Variants in PRMT3 observed in about 807,000 individuals in gnomAD.
PRMT3 encodes the protein protein arginine N-methyltransferase 3.
A neutral mutation model predicts 71.9 loss-of-function variants in PRMT3; 62 were observed. That is an observed-to-expected ratio of 0.86 (90% CI 0.70 to 1.07). The LOEUF (loss-of-function observed/expected upper bound fraction) is 1.07, where lower values mean the gene tolerates loss of function less well. PRMT3 is among the 50% of genes least tolerant of loss of function. PRMT3 has a pLI of 0.00. For synonymous variants in PRMT3, 213 were observed against 220.4 expected, an observed-to-expected ratio of 0.97 and a Z score of 0.30; for missense variants, 663 against 643.0, an observed-to-expected ratio of 1.03 and a Z score of -0.34.
intron 13 of PRMT3, among the ~76,000 whole-genome samples, chr11:20,488,930 T>G (rs917895227): frequency 1.3e-5 from 2 of 152,184 alleles, no homozygotes; most frequent in African/African-American, 4.8e-5. Context: ...TGAGTTTTCT[T>G]TTTGTGAAAT....
intron 15 of PRMT3, among the ~76,000 whole-genome samples, chr11:20,507,622 A>G (rs937632841): frequency 6.6e-6 from 1 of 151,936 alleles, no homozygotes; most frequent in Non-Finnish European, 1.5e-5. Context: ...TCTACTAAAA[A>G]TACAAAATTA....
chr11:20,502,070 A>G (rs1041847316), intron 15 of PRMT3, among the ~76,000 whole-genome samples: 1 of 152,212 alleles, frequency 6.6e-6, no homozygotes, highest in East Asian at 1.9e-4. Context: ...AACAATTAAA[A>G]TGAAGTCAAT....
chr11:20,462,162 A>G lies in PRMT3; in HGVS notation c.1255A>G (p.Ile419Val). ...PKTLISEPCG[I>V]KHIDCHTTSI... ...GACTCTTATTTCAGAACCTTGTGGT[A>G]TTAAGGTAGGTGTTTTACCAACTTT... Residue 419 changes from isoleucine to valine, a missense_variant, in exon 12 of 16, where the codon ATT becomes GTT. Transcript: ENST00000331079. 2.5e-6 allele frequency: 4 copies of G among 1,592,504 alleles called. No individual in the cohort carries two copies. The highest frequency in any genetic ancestry group is 3.4e-6 in the Non-Finnish European group (4 of 1,165,684).
intron 13 of PRMT3, among the ~76,000 whole-genome samples, chr11:20,489,402 T>G (rs1851155434): frequency 6.6e-6 from 1 of 152,200 alleles, no homozygotes; most frequent in Non-Finnish European, 1.5e-5. Flanking sequence ...TTCAGACCTC[T>G]CTGATCTTTT....
chr11:20,441,788 G>GTTTTTTTT (rs61553968), intron 10 of PRMT3, among the ~76,000 whole-genome samples: 2 of 118,504 alleles, frequency 1.7e-5, no homozygotes, highest in African/African-American at 3.3e-5. Flanking sequence ...ATAGTTTCAG[G>GTTTTTTTT]TTTTTTTTTT....
chr11:20,499,502 CTG>C (rs907995212), intron 15 of PRMT3, among the ~76,000 whole-genome samples: 1 of 152,128 alleles, frequency 6.6e-6, no homozygotes, highest in Non-Finnish European at 1.5e-5. Context: ...TGGCACATAA[CTG>C]TAGTCTGAGC....
rs181055784 is a variant in PRMT3 at position 20,472,377 on chromosome 11, A to C, written c.1347+7831A>C. 5.3e-4 allele frequency among the ~76,000 whole-genome samples: 80 copies of C among 152,280 alleles called. 1 individual carries two copies. In the East Asian group the frequency reaches 0.015, roughly 28 times the overall value. ...TTATGATTTTGAGATATGTTCCACC[A>C]ATACCTAGTTTTAGAGTGTTTAACA... On this transcript the variant is annotated intron_variant, in intron 13 of 15. Coordinates refer to ENST00000331079, the MANE Select transcript of PRMT3 (RefSeq NM_005788.4).
chr11:20,404,508 A>G (rs1228375607), intron 8 of PRMT3, among the ~76,000 whole-genome samples: 3 of 152,028 alleles, frequency 2.0e-5, no homozygotes, highest in African/African-American at 7.2e-5. Context: ...CTGGGATTAC[A>G]GACGTGAGCC....
At chr11:20,393,843 A>T (rs1218922294) in intron 5 of PRMT3, 1 of 152,252 alleles carries the variant, frequency 6.6e-6, no homozygotes, top group East Asian at 1.9e-4. Flanking sequence ...TGAAATCAAA[A>T]TACAAAATGA....
At chr11:20,452,309 G>A (rs1321567795) in intron 11 of PRMT3, 101 bp downstream of exon 11, 10 of 879,000 alleles carry the variant, frequency 1.1e-5, no homozygotes, top group South Asian at 3.0e-5. Context: ...GGAAGTTCCC[G>A]ATAGGGTTGA....
intron 10 of PRMT3, among the ~76,000 whole-genome samples, chr11:20,436,642 T>C (rs1368259206): frequency 1.3e-5 from 2 of 152,198 alleles, no homozygotes; most frequent in Non-Finnish European, 2.9e-5. Flanking sequence ...CACTTGATCA[T>C]GGCAAGTGAT....
chr11:20,462,439 G>A (rs1850407864), intron 12 of PRMT3, among the ~76,000 whole-genome samples: 2 of 151,992 alleles, frequency 1.3e-5, no homozygotes, highest in African/African-American at 4.8e-5. Context: ...ATTTACTTTG[G>A]CTTAATAAGG....
chr11:20,479,277 G>A (rs542746389), intron 13 of PRMT3, among the ~76,000 whole-genome samples: 3 of 152,236 alleles, frequency 2.0e-5, no homozygotes, highest in Admixed American at 6.5e-5. Flanking sequence ...CTCAGGAAAC[G>A]TTCTTTGAGT....
intron 13 of PRMT3, among the ~76,000 whole-genome samples, chr11:20,474,611 GATC>G (rs1850734241): frequency 6.6e-6 from 1 of 152,220 alleles, no homozygotes; most frequent in Non-Finnish European, 1.5e-5. Context: ...TAGGTGCAAA[GATC>G]CATGGGAGAG....
chr11:20,431,747 AT>A (rs1251609881), intron 10 of PRMT3, among the ~76,000 whole-genome samples: 1 of 152,014 alleles, frequency 6.6e-6, no homozygotes, highest in Non-Finnish European at 1.5e-5. Context: ...TATTCTTGGT[AT>A]TTTTCTTAAT....
chr11:20,447,169 T>A lies in PRMT3; in HGVS notation c.994-4961T>A, dbSNP rs183639293. Among the ~76,000 whole-genome samples, 660 of 152,216 alleles carry A rather than the reference T, an allele frequency of 4.3e-3. 7 individuals carry two copies. Among genetic ancestry groups the A allele is most frequent in the Non-Finnish European group, 4.1e-3 (277 of 68,004 alleles). On this transcript the variant is annotated intron_variant, in intron 10 of 15. Coordinates refer to ENST00000331079, the MANE Select transcript of PRMT3 (RefSeq NM_005788.4). ...GACCTTAAGTTTGGTGCTTTTTTTTTAAGCAGAGAACACAGTAGATTAGGA... is the reference window on the plus strand; with the variant it reads ...GACCTTAAGTTTGGTGCTTTTTTTTAAAGCAGAGAACACAGTAGATTAGGA...
intron 5 of PRMT3, among the ~76,000 whole-genome samples, chr11:20,393,304 G>A (rs181081586): frequency 1.1e-4 from 16 of 152,184 alleles, no homozygotes; most frequent in South Asian, 2.1e-4. Context: ...AAAATTAGCC[G>A]GGCATGGTGG....
At chr11:20,403,070 A>G (rs1565196208) in intron 8 of PRMT3, 86 bp downstream of exon 8, 1 of 995,968 alleles carries the variant, frequency 1.0e-6, no homozygotes, top group Non-Finnish European at 1.6e-6. Flanking sequence ...TGTGATAGCA[A>G]TTGATTTAAC....
Position 20,453,156 on chromosome 11 carries a change from A to G in PRMT3, c.1072+948A>G, listed in dbSNP as rs147201032. Among the ~76,000 whole-genome samples the G allele has an allele frequency of 1.1e-4, 16 of 152,090 alleles. No individual in the cohort carries two copies. In the East Asian group the frequency reaches 2.9e-3, roughly 28 times the overall value. ...TTATGCCTCCTACCATCCATGTTCT[A>G]TGAAATTACTTTGGCAGTTTTGGTA... is the stretch of plus-strand genomic sequence containing the variant. On this transcript the variant is annotated intron_variant, in intron 11 of 15. Coordinates refer to ENST00000331079, the MANE Select transcript of PRMT3 (RefSeq NM_005788.4).
Sources: gnomAD v4.1 joint callset for allele counts (sites outside exome capture counted in the v4.1 genomes callset) on GRCh38, gnomAD v4.1.1 for gene constraint, MANE v1.5 for transcripts, NCBI Gene and HGNC (gene_info 2026-07-23, HGNC 2026-07-21) for gene names.